GSTM3: variants seen among roughly 807,000 people sequenced by gnomAD.
The protein encoded by GSTM3 is GST class-mu 3.
A neutral mutation model predicts 36.1 loss-of-function variants in GSTM3; 34 were observed. The observed-to-expected ratio is 0.94, with a 90% CI of 0.72 to 1.25. GSTM3 has a LOEUF of 1.25. Among genes scored for constraint, GSTM3 ranks in the 50% most tolerant of loss-of-function variants. GSTM3 has a pLI of 0.00. For missense variants in GSTM3, 266 were observed against 281.6 expected, an observed-to-expected ratio of 0.94 and a Z score of 0.40; for synonymous variants, 102 against 99.5, an observed-to-expected ratio of 1.03 and a Z score of -0.15.
At position 109,736,446 on chromosome 1, in the gene GSTM3, C is replaced by T. The variant is rs912000548; in HGVS notation, c.*625G>A. The T allele has an allele frequency of 2.6e-5, 4 of 152,048 alleles. No individual in the cohort carries two copies. Among genetic ancestry groups the T allele is most frequent in the Admixed American group, 6.6e-5 (1 of 15,252 alleles). 9.4% of individuals were successfully genotyped at this position (152,048 alleles called of 1,614,324 possible). A position where few individuals can be genotyped will look rare whatever the true frequency, so the allele number is the denominator to read the frequency against. Reference sequence around the variant, plus strand: ...GCAGCCTATGGTTTTTTTCTTTTTACGTCTTTAAAGAAACTTCTCCTACCC... The same window carrying T: ...GCAGCCTATGGTTTTTTTCTTTTTATGTCTTTAAAGAAACTTCTCCTACCC... On this transcript the variant is annotated 3_prime_UTR_variant, in exon 9 of 9. Transcript: ENST00000361066.
At chr1:109,737,619 G>T in intron 7 of GSTM3, 37 bp downstream of exon 7, 1 of 1,523,508 alleles carries the variant, frequency 6.6e-7, no homozygotes, top group Non-Finnish European at 9.0e-7. Context: ...AGCCTGCAGA[G>T]ATAGAGAAGT....
In GSTM3 at chr1:109,736,867, T is replaced by A. The variant is rs1649213434; in HGVS notation, c.*204A>T. 3.8e-6 allele frequency: 2 copies of A among 530,754 alleles called. No individual in the cohort carries two copies. Among genetic ancestry groups the A allele is most frequent in the Non-Finnish European group, 6.8e-6 (2 of 296,240 alleles). 32.9% of individuals were successfully genotyped at this position (530,754 alleles called of 1,614,324 possible). On this transcript the variant is annotated 3_prime_UTR_variant, in exon 9 of 9. Transcript: ENST00000361066. Reference sequence around the variant, plus strand: ...ACAGCCCTTGAACTCAGTTGGGGAGTAGGGAAATGCCAGTATCGCAGCGAT... The same window carrying A: ...ACAGCCCTTGAACTCAGTTGGGGAGAAGGGAAATGCCAGTATCGCAGCGAT...
chr1:109,738,552 A>G (rs912968509), intron 4 of GSTM3, among the ~76,000 whole-genome samples, 186 bp from the exon 5 acceptor site: 1 of 152,194 alleles, frequency 6.6e-6, no homozygotes, highest in African/African-American at 2.4e-5. Flanking sequence ...GGGTTCTTAA[A>G]TTGGTGTGTG....
rs1570660715 is a variant in GSTM3, at chr1:109,734,615, A to G, written c.*2456T>C. The G allele has an allele frequency of 6.6e-6, 1 of 152,228 alleles. No homozygotes were observed. The highest frequency in any genetic ancestry group is 6.5e-5 in the Admixed American group (1 of 15,286). 9.4% of individuals were successfully genotyped at this position (152,228 alleles called of 1,614,324 possible). ...GTAGAGCATACCGCTCCCTCACACTATGGAAATTATATCAATAGTTATCAG... is the reference window on the plus strand; with the variant it reads ...GTAGAGCATACCGCTCCCTCACACTGTGGAAATTATATCAATAGTTATCAG... On this transcript the variant is annotated 3_prime_UTR_variant, in exon 9 of 9. Coordinates refer to ENST00000361066, the MANE Select transcript of GSTM3 (RefSeq NM_000849.5).
At chr1:109,738,447 T>C in intron 4 of GSTM3, 81 bp from the exon 5 acceptor site, 1 of 898,170 alleles carries the variant, frequency 1.1e-6, no homozygotes, top group Non-Finnish European at 1.8e-6. Flanking sequence ...AAAAGAACAC[T>C]TGCAGGGCAG....
chr1:109,738,246 T>TGGGGTCCCTGCCTGGGGTCCCTC, intron 5 of GSTM3, 39 bp downstream of exon 5: 1 of 1,601,330 alleles, frequency 6.2e-7, no homozygotes, highest in South Asian at 1.1e-5. Context: ...TCAGACAAAC[T>TGGGGTCCCTGCCTGGGGTCCCTC]ACCAGCCTGG....
rs763172723 is a variant in GSTM3 at position 109,737,488 on chromosome 1, G to C, written c.548C>G (p.Pro183Arg). The C allele has an allele frequency of 3.1e-6, 5 of 1,612,230 alleles. No individual in the cohort carries two copies. The highest frequency in any genetic ancestry group is 4.2e-6 in the Non-Finnish European group (5 of 1,178,380). Reference protein sequence around the residue: ...IFDPKCLDEFPNLKAFMCRFE... With the variant: ...IFDPKCLDEFRNLKAFMCRFE... ...ACGGCACATGAAAGCCTTCAGGTTT[G>C]GGAACTCATCCAGGCACTTGGGGTC... Residue 183 changes from proline (P) to arginine (R), a missense_variant, in exon 8 of 9, where the codon CCA becomes CGA. Coordinates refer to ENST00000361066, the MANE Select transcript of GSTM3 (RefSeq NM_000849.5).
chr1:109,740,897 C>T (rs894855280), intron 1 of GSTM3, 56 bp downstream of exon 1: 2 of 155,654 alleles, frequency 1.3e-5, no homozygotes, highest in African/African-American at 4.8e-5. Flanking sequence ...CTTGCTGTTC[C>T]TTCTACACAC....
chr1:109,734,681 G>T lies in GSTM3; in HGVS notation c.*2390C>A, dbSNP rs781056102. ...AGCTTTATACCTCTTCTGGCCAAAGGCTCCCCCATGCCCAAGATACTGGCC... is the reference window on the plus strand; with the variant it reads ...AGCTTTATACCTCTTCTGGCCAAAGTCTCCCCCATGCCCAAGATACTGGCC... On this transcript the variant is annotated 3_prime_UTR_variant, in exon 9 of 9. Transcript: ENST00000361066. The T allele has an allele frequency of 6.6e-6, 1 of 152,194 alleles. No homozygotes were observed. The highest frequency in any genetic ancestry group is 2.1e-4 in the South Asian group (1 of 4,828). The allele number at this position is 152,194 out of a possible 1,614,324, so 9.4% of individuals were successfully genotyped here. A position where few individuals can be genotyped will look rare whatever the true frequency, so the allele number is the denominator to read the frequency against.
In GSTM3 at chr1:109,739,421, C is replaced by T. The variant is rs372573919; in HGVS notation, c.189+8G>A. ...CTTCTGCCCGCCACCTCTACTAAAG[C>T]CACTTACATTAGGAAAGTCCAGGTC... On this transcript the variant is annotated splice_region_variant and intron_variant, in intron 4 of 8. Transcript: ENST00000361066. 3 of 1,604,808 alleles carry T rather than the reference C, an allele frequency of 1.9e-6. No homozygotes were observed. The highest frequency in any genetic ancestry group is 2.6e-6 in the Non-Finnish European group (3 of 1,172,156).
chr1:109,739,931 G>T (rs547059299), intron 2 of GSTM3, 23 bp from the exon 3 acceptor site: 3 of 1,529,704 alleles, frequency 2.0e-6, no homozygotes, highest in Non-Finnish European at 2.7e-6. Flanking sequence ...GCGGTTCAGC[G>T]ACTGCGCAGC....
At position 109,737,599 on chromosome 1, in the gene GSTM3, G is replaced by A. The variant is rs753316799; in HGVS notation, c.469-32C>T. 2.6e-6 allele frequency: 4 copies of A among 1,543,322 alleles called. No homozygotes were observed. The African/African-American group carries it at 4.1e-5, about 16-fold the overall frequency. On this transcript the variant is annotated intron_variant, in intron 7 of 8. Coordinates refer to ENST00000361066, the MANE Select transcript of GSTM3 (RefSeq NM_000849.5). ...GAAAAGCAATAAGATGCTTAGGTCT[G>A]AGGAGTAGTAGCCTGCAGAGATAGA...
Position 109,739,931 on chromosome 1 carries a change from G to A in GSTM3, c.49-23C>T, listed in dbSNP as rs547059299. The A allele has an allele frequency of 1.1e-4, 171 of 1,529,828 alleles. 3 individuals are homozygous for A. In the South Asian group the frequency reaches 1.9e-3, roughly 17 times the overall value. 94.8% of individuals were successfully genotyped at this position (1,529,828 alleles called of 1,614,324 possible). On this transcript the variant is annotated intron_variant, in intron 2 of 8. Coordinates refer to ENST00000361066, the MANE Select transcript of GSTM3 (RefSeq NM_000849.5). ...CAGCTGGGGAAGACAGCGGTTCAGCGACTGCGCAGCTCCCACCCATTCCCA... is the reference window on the plus strand; with the variant it reads ...CAGCTGGGGAAGACAGCGGTTCAGCAACTGCGCAGCTCCCACCCATTCCCA...
At chr1:109,739,594 C>T in intron 3 of GSTM3, 101 bp from the exon 4 acceptor site, 3 of 886,844 alleles carry the variant, frequency 3.4e-6, no homozygotes, top group Non-Finnish European at 5.5e-6. Flanking sequence ...CCTCAAATTC[C>T]CAGGCCCCAA....
chr1:109,740,743 C>A (rs1460706012), intron 1 of GSTM3, among the ~76,000 whole-genome samples: 2 of 152,192 alleles, frequency 1.3e-5, no homozygotes, highest in Non-Finnish European at 2.9e-5. Flanking sequence ...CAGCCTCTGA[C>A]CACACAGAGC....
Position 109,737,155 on chromosome 1 carries a change from G to A in GSTM3, c.594C>T (p.Ile198=), listed in dbSNP as rs561954445. ...FMCRFEALEK[I]AAYLQSDQFC... ...ACTGATCAGACTGTAAGTAGGCAGC[G>A]ATTTTCTCCAAAGCCTGAAAGGAAA... Residue 198 remains isoleucine (I), a synonymous_variant, in exon 9 of 9, where the codon ATC becomes ATT. Transcript: ENST00000361066. The A allele has an allele frequency of 2.5e-5, 41 of 1,612,468 alleles. No homozygotes were observed. Among genetic ancestry groups the A allele is most frequent in the Non-Finnish European group, 3.2e-5 (38 of 1,178,630 alleles).
At chr1:109,740,603 C>A (rs765781556) in intron 1 of GSTM3, 92 bp from the exon 2 acceptor site, 4 of 387,978 alleles carry the variant, frequency 1.0e-5, no homozygotes, top group Non-Finnish European at 1.9e-5. Flanking sequence ...AGTGAAGACG[C>A]GAAAAGCACC....
Position 109,736,722 on chromosome 1 carries a change from A to T in GSTM3, c.*349T>A, listed in dbSNP as rs1284802226. ...TTAAGTCCATCAGTACCACAGTTTTACTTGTGTTATCCTCACCCAGTCTTC... is the reference window on the plus strand; with the variant it reads ...TTAAGTCCATCAGTACCACAGTTTTTCTTGTGTTATCCTCACCCAGTCTTC... On this transcript the variant is annotated 3_prime_UTR_variant, in exon 9 of 9. Coordinates refer to ENST00000361066, the MANE Select transcript of GSTM3 (RefSeq NM_000849.5). 1 of 210,054 alleles carries T rather than the reference A, an allele frequency of 4.8e-6. No individual in the cohort carries two copies. Among genetic ancestry groups the T allele is most frequent in the Non-Finnish European group, 9.5e-6 (1 of 104,994 alleles). The allele number at this position is 210,054 out of a possible 1,614,324, so 13.0% of individuals were successfully genotyped here.
intron 8 of GSTM3, 119 bp downstream of exon 8, chr1:109,737,338 G>A (rs1454529583): frequency 4.8e-6 from 4 of 827,978 alleles, no homozygotes; most frequent in Admixed American, 1.9e-5. Flanking sequence ...AGGTCTAGAG[G>A]TGTCCAACCA....
Sources: allele counts gnomAD v4.1 joint callset (sites outside exome capture counted in the v4.1 genomes callset), GRCh38; gene constraint gnomAD v4.1.1; transcripts MANE v1.5; gene names NCBI Gene and HGNC (gene_info 2026-07-23, HGNC 2026-07-21).